Variants in NCKAP1L observed in about 807,000 individuals in gnomAD.
The protein encoded by NCKAP1L is NCK associated protein 1 like, also known as nck-associated protein 1-like.
A neutral mutation model predicts 139.2 loss-of-function variants in NCKAP1L; 53 were observed. The observed-to-expected ratio is 0.38, with a 90% CI of 0.31 to 0.48. The LOEUF is 0.48. Among genes scored for constraint, NCKAP1L ranks in the 20% least tolerant of loss-of-function variants. The pLI is 0.98. For missense variants in NCKAP1L, 1,151 were observed against 1,381.9 expected (o/e 0.83, Z 2.65); for synonymous variants, 468 against 499.7 (o/e 0.94, Z 0.85).
intron 3 of NCKAP1L, among the ~76,000 whole-genome samples, chr12:54,502,126 G>A (rs1175433474): frequency 6.6e-6 from 1 of 152,168 alleles, no homozygotes; most frequent in African/African-American, 2.4e-5. Context: ...TACAGGTTGA[G>A]TATTCCTTAT....
At chr12:54,513,998 G>GTT (rs1181575368) in intron 9 of NCKAP1L, among the ~76,000 whole-genome samples, 2 of 151,076 alleles carry the variant, frequency 1.3e-5, no homozygotes, top group African/African-American at 4.9e-5. Context: ...GTGTGTGTGT[G>GTT]TGTATAAACA....
At position 54,535,153 on chromosome 12, in the gene NCKAP1L, A is replaced by T; in HGVS notation, c.2912A>T (p.Asp971Val). 6.2e-7 allele frequency: 1 copy of T among 1,613,758 alleles called. No homozygotes were observed. Among genetic ancestry groups the T allele is most frequent in the Non-Finnish European group, 8.5e-7 (1 of 1,179,844 alleles). ...GCATCTGCTGCAGGTGTGGGCTGTG[A>T]CATTGACCCAGCCTTGGTGGCTGCC... The part of the protein sequence containing the change: ...ELASAAGVGC[D>V]IDPALVAAIA... The change falls in exon 27 of 31, where the codon GAC (aspartate) becomes GTC (valine). Residue 971 changes from aspartate (D) to valine (V), a missense_variant. Transcript: ENST00000293373.
rs764771730 is a variant in NCKAP1L, at chr12:54,516,889, TC to T, written c.999-5del. 3.1e-6 allele frequency: 5 copies of T among 1,611,318 alleles called. No individual in the cohort carries two copies. The highest frequency in any genetic ancestry group is 4.2e-6 in the Non-Finnish European group (5 of 1,178,200). ...GGTGATAGTCATGTTCCCCTTTTCT[TC>T]CTTAGTGGCCAGTTTCATTGTCAAC... On this transcript the variant is annotated splice_region_variant and splice_polypyrimidine_tract_variant and intron_variant, in intron 10 of 30. Coordinates refer to ENST00000293373, the MANE Select transcript of NCKAP1L (RefSeq NM_005337.5).
intron 7 of NCKAP1L, 49 bp from the exon 8 acceptor site, chr12:54,511,754 G>C: frequency 1.3e-6 from 2 of 1,598,662 alleles, no homozygotes; most frequent in Non-Finnish European, 1.7e-6. Context: ...TTCTCCTTTA[G>C]AGGAAGGCCA....
chr12:54,532,818 A>G (rs1182882110), intron 26 of NCKAP1L, among the ~76,000 whole-genome samples: 1 of 152,066 alleles, frequency 6.6e-6, no homozygotes, highest in African/African-American at 2.4e-5. Flanking sequence ...TTTCCCACCC[A>G]TCTCCCACCT....
chr12:54,529,061 T>C (rs1380177540), intron 22 of NCKAP1L, among the ~76,000 whole-genome samples: 1 of 152,226 alleles, frequency 6.6e-6, no homozygotes, highest in African/African-American at 2.4e-5. Flanking sequence ...TGTTTATACA[T>C]ATTAACTCAC....
intron 13 of NCKAP1L, 149 bp from the exon 14 acceptor site, chr12:54,518,502 G>T: frequency 1.4e-6 from 1 of 726,196 alleles, no homozygotes; most frequent in Admixed American, 2.0e-5. Flanking sequence ...AACCCGGAAA[G>T]TTTCCTTCAT....
At chr12:54,527,234 T>A (rs897609664) in intron 21 of NCKAP1L, among the ~76,000 whole-genome samples, 2 of 152,216 alleles carry the variant, frequency 1.3e-5, no homozygotes, top group Non-Finnish European at 2.9e-5. Flanking sequence ...ATCAGCACTG[T>A]TTCCTTTGAC....
At chr12:54,538,544 A>T (rs928403733) in intron 29 of NCKAP1L, among the ~76,000 whole-genome samples, 14 of 152,332 alleles carry the variant, frequency 9.2e-5, no homozygotes, top group African/African-American at 3.4e-4. Flanking sequence ...AAACAGCCTG[A>T]TGACAGTGGT....
chr12:54,508,585 TAG>T, intron 5 of NCKAP1L, 54 bp downstream of exon 5: 2 of 1,560,368 alleles, frequency 1.3e-6, no homozygotes, highest in Admixed American at 1.7e-5. Flanking sequence ...TGCTATGATG[TAG>T]AGAGTCCCTC....
At chr12:54,537,604 C>T (rs1166621123) in intron 29 of NCKAP1L, among the ~76,000 whole-genome samples, 1 of 152,150 alleles carries the variant, frequency 6.6e-6, no homozygotes, top group Non-Finnish European at 1.5e-5. Flanking sequence ...TGAGTTTTAT[C>T]ATCTCTAAGG....
chr12:54,521,559 C>T (rs1310984502), intron 18 of NCKAP1L, among the ~76,000 whole-genome samples: 47 of 152,290 alleles, frequency 3.1e-4, no homozygotes, highest in Non-Finnish European at 1.5e-5. Context: ...CTTTGCCCTG[C>T]GTACACATAC....
intron 10 of NCKAP1L, among the ~76,000 whole-genome samples, 188 bp from the exon 11 acceptor site, chr12:54,516,708 C>A (rs3825193): frequency 0.21 from 31,870 of 152,020 alleles, 5,082 homozygotes; most frequent in African/African-American, 0.45. Context: ...GGCCTCCCAA[C>A]GTGCTGGAAT....
intron 1 of NCKAP1L, among the ~76,000 whole-genome samples, chr12:54,498,565 C>A (rs1201119532): frequency 1.7e-4 from 26 of 151,814 alleles, no homozygotes; most frequent in Admixed American, 1.7e-3. Flanking sequence ...AAATAGGGGA[C>A]TTTGGGGGAG....
Position 54,542,576 on chromosome 12 carries a change from T to A in NCKAP1L, c.3275T>A (p.Val1092Glu). 1 of 1,611,260 alleles carries A rather than the reference T, an allele frequency of 6.2e-7. No homozygotes were observed. Among genetic ancestry groups the A allele is most frequent in the Non-Finnish European group, 8.5e-7 (1 of 1,177,402 alleles). The change falls in exon 31 of 31, where the codon GTG becomes GAG. Residue 1092 changes from valine (V) to glutamate (E), a missense_variant and splice_region_variant. Coordinates refer to ENST00000293373, the MANE Select transcript of NCKAP1L (RefSeq NM_005337.5). Reference sequence around the variant, plus strand: ...ATCTCTTGGCCCCATCTCTTTCAGGTGGTGGAGGAGTCATCCTTCCTGACC... The same window carrying A: ...ATCTCTTGGCCCCATCTCTTTCAGGAGGTGGAGGAGTCATCCTTCCTGACC... ...RESISLLMRLVVEESSFLTLD... is the reference protein window; with the variant it reads ...RESISLLMRLEVEESSFLTLD...
In NCKAP1L at chr12:54,542,760, T is replaced by C. The variant is rs927014466; in HGVS notation, c.*75T>C. 3.2e-5 allele frequency: 18 copies of C among 566,562 alleles called. No individual in the cohort carries two copies. The highest frequency in any genetic ancestry group is 1.5e-4 in the African/African-American group (8 of 52,208). 35.1% of individuals were successfully genotyped at this position (566,562 alleles called of 1,614,324 possible). A position where few individuals can be genotyped will look rare whatever the true frequency, so the allele number is the denominator to read the frequency against. ...GCCATAGTGGAAGCTGTGGTCACTT[T>C]CGCAGGGGGTGGGAATGGGGTGGGG... On this transcript the variant is annotated 3_prime_UTR_variant, in exon 31 of 31. Transcript: ENST00000293373.
intron 27 of NCKAP1L, among the ~76,000 whole-genome samples, chr12:54,535,746 G>A (rs1337314468): frequency 6.6e-6 from 1 of 152,162 alleles, no homozygotes; most frequent in Non-Finnish European, 1.5e-5. Context: ...TAGGATTAAG[G>A]CCTTTCAAAA....
chr12:54,518,847 C>T, intron 14 of NCKAP1L, 67 bp from the exon 15 acceptor site: 2 of 1,503,184 alleles, frequency 1.3e-6, no homozygotes, highest in Middle Eastern at 1.7e-4. Flanking sequence ...GAGGATCTAC[C>T]ATTCTATGTA....
intron 9 of NCKAP1L, among the ~76,000 whole-genome samples, chr12:54,514,937 C>T (rs993871780): frequency 6.6e-6 from 1 of 152,208 alleles, no homozygotes; most frequent in African/African-American, 2.4e-5. Flanking sequence ...GAAGGGTGTT[C>T]AGTTCTCCAT....
Sources: gnomAD v4.1 joint callset for allele counts (sites outside exome capture counted in the v4.1 genomes callset) on GRCh38, gnomAD v4.1.1 for gene constraint, MANE v1.5 for transcripts, NCBI Gene and HGNC (gene_info 2026-07-23, HGNC 2026-07-21) for gene names.